SLC28A1: variants seen among roughly 807,000 people sequenced by gnomAD.
The protein encoded by SLC28A1 is sodium/nucleoside cotransporter 1.
In SLC28A1, 64 loss-of-function variants were observed where a neutral mutation model predicts 74.8. The observed-to-expected ratio is 0.86, with a 90% CI of 0.70 to 1.05. SLC28A1 has a LOEUF of 1.05. SLC28A1 is among the 50% of genes least tolerant of loss of function. SLC28A1 has a pLI of 0.00. For missense variants in SLC28A1, 828 were observed against 822.8 expected, an observed-to-expected ratio of 1.01 and a Z score of -0.08; for synonymous variants, 359 against 335.0, an observed-to-expected ratio of 1.07 and a Z score of -0.78.
chr15:84,915,597 G>A (rs896623858), intron 9 of SLC28A1, among the ~76,000 whole-genome samples: 3 of 152,040 alleles, frequency 2.0e-5, no homozygotes, highest in South Asian at 2.1e-4. Context: ...CAGTCCCCAC[G>A]CTTCCTCTGA....
chr15:84,933,361 A>G, intron 13 of SLC28A1, 86 bp downstream of exon 13: 6 of 1,480,776 alleles, frequency 4.1e-6, no homozygotes, highest in Non-Finnish European at 5.5e-6. Context: ...TCTGTCCATC[A>G]CTGTCTTCCA....
At chr15:84,892,664 C>G (rs1400629849) in intron 5 of SLC28A1, among the ~76,000 whole-genome samples, 1 of 152,190 alleles carries the variant, frequency 6.6e-6, no homozygotes, top group East Asian at 1.9e-4. Flanking sequence ...ATTACATCAC[C>G]TCTTTCCTGG....
At chr15:84,887,923 G>A (rs574546964) in intron 3 of SLC28A1, 67 bp downstream of exon 3, 126 of 1,163,140 alleles carry the variant, frequency 1.1e-4, no homozygotes, top group Non-Finnish European at 1.5e-4. Flanking sequence ...GGCTGCCGAG[G>A]TGATGAGGCT....
At chr15:84,941,048 T>G (rs1972615979) in intron 15 of SLC28A1, 1 of 152,914 alleles carries the variant, frequency 6.5e-6, no homozygotes, top group South Asian at 2.1e-4. Flanking sequence ...GGGTGCTTCT[T>G]CTCGTGTCCC....
intron 15 of SLC28A1, among the ~76,000 whole-genome samples, chr15:84,937,035 A>T (rs530584815): frequency 7.3e-6 from 1 of 136,660 alleles, no homozygotes; most frequent in South Asian, 2.6e-4. Context: ...CCTGGGCAAC[A>T]GAGCAAGACC....
At chr15:84,903,973 T>A in intron 6 of SLC28A1, 124 bp from the exon 7 acceptor site, 1 of 1,280,716 alleles carries the variant, frequency 7.8e-7, no homozygotes. Context: ...CTTTCCACTC[T>A]GCTGTGCTGT....
intron 10 of SLC28A1, 143 bp downstream of exon 10, chr15:84,918,747 G>A: frequency 2.7e-6 from 2 of 741,544 alleles, no homozygotes; most frequent in East Asian, 2.5e-5. Flanking sequence ...AGAGTCCCCT[G>A]TTCCCAGTGC....
chr15:84,951,061 C>T, the SLC28A1 span, among the ~76,000 whole-genome samples: 1 of 152,154 alleles, frequency 6.6e-6, no homozygotes, highest in African/African-American at 2.4e-5. Context: ...GTATATTTCA[C>T]ATTTTTGCTC....
At position 84,933,405 on chromosome 15, in the gene SLC28A1, C is replaced by G. The variant is rs181801061; in HGVS notation, c.1214+130C>G. ...GGCCCATCTCTCCACTTTTCCTGCTCTGGTTTGGGCTTCATTTGCTGTCTT... is the reference window on the plus strand; with the variant it reads ...GGCCCATCTCTCCACTTTTCCTGCTGTGGTTTGGGCTTCATTTGCTGTCTT... On this transcript the variant is annotated intron_variant, in intron 13 of 18. Coordinates refer to ENST00000394573, the MANE Select transcript of SLC28A1 (RefSeq NM_004213.5). The G allele has an allele frequency of 4.4e-6, 5 of 1,140,014 alleles. No individual in the cohort carries two copies. In the East Asian group the frequency reaches 1.1e-4, roughly 25 times the overall value. 70.6% of individuals were successfully genotyped at this position (1,140,014 alleles called of 1,614,324 possible).
intron 6 of SLC28A1, chr15:84,895,408 G>A (rs373413971): frequency 7.4e-6 from 12 of 1,613,912 alleles, no homozygotes; most frequent in South Asian, 2.2e-5. Flanking sequence ...AGGAGGGCCC[G>A]AATCAGTACC....
At chr15:84,959,846 C>G in the SLC28A1 span, among the ~76,000 whole-genome samples, 1 of 152,168 alleles carries the variant, frequency 6.6e-6, no homozygotes, top group Non-Finnish European at 1.5e-5. Flanking sequence ...ATTCTGTCCT[C>G]AAATCTATGG....
chr15:84,907,091 AG>A (rs1424961018), intron 8 of SLC28A1, among the ~76,000 whole-genome samples: 1 of 152,192 alleles, frequency 6.6e-6, no homozygotes, highest in African/African-American at 2.4e-5. Flanking sequence ...GTCACAGCTG[AG>A]GGGACTGCCT....
rs1228623949 is a variant in SLC28A1, at chr15:84,945,404, C to G, written c.*204C>G. 1 of 607,226 alleles carries G rather than the reference C, an allele frequency of 1.6e-6. No individual in the cohort carries two copies. Among genetic ancestry groups the G allele is most frequent in the African/African-American group, 1.8e-5 (1 of 54,310 alleles). The allele number at this position is 607,226 out of a possible 1,614,324, so 37.6% of individuals were successfully genotyped here. ...AGGAAGGACATGTCCCACTCCATCC[C>G]CCTTCCTGCTCCCCCATTTCCTAAC... On this transcript the variant is annotated 3_prime_UTR_variant, in exon 19 of 19. Coordinates refer to ENST00000394573, the MANE Select transcript of SLC28A1 (RefSeq NM_004213.5).
intron 6 of SLC28A1, 91 bp from the exon 7 acceptor site, chr15:84,904,006 C>A: frequency 6.4e-7 from 1 of 1,558,552 alleles, no homozygotes; most frequent in Non-Finnish European, 8.8e-7. Context: ...CAGCCCTGAG[C>A]ACCCTTTCTC....
intron 15 of SLC28A1, among the ~76,000 whole-genome samples, chr15:84,936,263 G>A (rs948797406): frequency 2.1e-5 from 3 of 142,610 alleles, no homozygotes. Context: ...GGTTTGGTTT[G>A]GTTTGGTTTT....
intron 6 of SLC28A1, among the ~76,000 whole-genome samples, chr15:84,897,372 C>G (rs183929067): frequency 1.3e-5 from 2 of 151,752 alleles, no homozygotes; most frequent in Non-Finnish European, 2.9e-5. Flanking sequence ...GGTGACAGAG[C>G]GAGACTCCGT....
At chr15:84,950,008 A>G (rs1212698334), downstream of SLC28A1, among the ~76,000 whole-genome samples, 1 of 152,196 alleles carries the variant, frequency 6.6e-6, no homozygotes, top group Non-Finnish European at 1.5e-5. Context: ...AAGTTCTGAC[A>G]AAGATATGGA....
chr15:84,889,981 G>A (rs1394234353), intron 4 of SLC28A1, among the ~76,000 whole-genome samples: 8 of 151,306 alleles, frequency 5.3e-5, no homozygotes, highest in African/African-American at 1.9e-4. Context: ...GATTACAGGC[G>A]CACGCCACCA....
chr15:84,916,320 C>T (rs1472645165), intron 9 of SLC28A1, among the ~76,000 whole-genome samples: 1 of 149,136 alleles, frequency 6.7e-6, no homozygotes, highest in African/African-American at 2.5e-5. Context: ...TGACTTACTG[C>T]AGCCTCGAAC....
Sources: gnomAD v4.1 joint callset for allele counts (sites outside exome capture counted in the v4.1 genomes callset) on GRCh38, gnomAD v4.1.1 for gene constraint, MANE v1.5 for transcripts, NCBI Gene and HGNC (gene_info 2026-07-23, HGNC 2026-07-21) for gene names.